KCNQ1: variants seen among roughly 807,000 people sequenced by gnomAD.
KCNQ1 encodes the protein potassium voltage-gated channel subfamily Q member 1, also known as potassium voltage-gated channel subfamily KQT member 1.
Under a neutral mutation model 72.4 loss-of-function variants are expected in KCNQ1, and 49 were observed. The observed-to-expected ratio is 0.68, with a 90% CI of 0.54 to 0.86. The LOEUF (loss-of-function observed/expected upper bound fraction) is 0.86. Among genes scored for constraint, KCNQ1 ranks in the 40% least tolerant of loss-of-function variants. KCNQ1 has a pLI of 0.00. For synonymous variants in KCNQ1, 450 were observed against 412.6 expected, an observed-to-expected ratio of 1.09 and a Z score of -1.10; for missense variants, 790 against 945.1, an observed-to-expected ratio of 0.84 and a Z score of 2.15.
chr11:2,733,774 C>CCA (rs144399150), intron 11 of KCNQ1, among the ~76,000 whole-genome samples: 1,686 of 57,466 alleles, frequency 0.029, 59 homozygotes, highest in Admixed American at 0.059. Context: ...TTCAGGCCTT[C>CCA]CACACACACA....
chr11:2,584,703 T>C (rs1165230106), intron 7 of KCNQ1, among the ~76,000 whole-genome samples: 2 of 151,234 alleles, frequency 1.3e-5, no homozygotes, highest in East Asian at 3.9e-4. Flanking sequence ...GTGTGTGTGT[T>C]AGTGTGCATA....
intron 10 of KCNQ1, chr11:2,632,208 T>C (rs933653955): frequency 8.2e-6 from 3 of 367,988 alleles, no homozygotes; most frequent in African/African-American, 7.2e-5. Flanking sequence ...AAAAAAGAAA[T>C]GCAACTGAAT....
At chr11:2,519,445 T>A (rs942581056) in intron 1 of KCNQ1, among the ~76,000 whole-genome samples, 4 of 152,206 alleles carry the variant, frequency 2.6e-5, no homozygotes, top group African/African-American at 9.7e-5. Flanking sequence ...AGTACATTTT[T>A]AATTATGTTT....
chr11:2,825,651 G>A (rs996405657), intron 15 of KCNQ1, among the ~76,000 whole-genome samples: 1 of 152,262 alleles, frequency 6.6e-6, no homozygotes, highest in African/African-American at 2.4e-5. Flanking sequence ...TGCCCATGAG[G>A]AAGTCAGTAC....
chr11:2,695,036 G>A lies in KCNQ1; in HGVS notation c.1514+32955G>A, dbSNP rs1850651316. ...GACAGTGGTCAGAGAGGTAAGCAGG[G>A]CAGATCTTGTAAAAACCTGATGGAA... is the stretch of plus-strand genomic sequence containing the variant. On this transcript the variant is annotated intron_variant, in intron 11 of 15. Transcript: ENST00000155840. The surrounding 1 kb of genome is among the most constrained non-coding windows in gnomAD (Gnocchi z 5.2). The A allele has an allele frequency of 5.0e-6, 2 of 398,532 alleles. No individual in the cohort carries two copies. The highest frequency in any genetic ancestry group is 2.5e-4 in the South Asian group (2 of 7,860). 24.7% of individuals were successfully genotyped at this position (398,532 alleles called of 1,614,324 possible).
intron 10 of KCNQ1, chr11:2,637,590 T>A (rs1261286309): frequency 2.0e-5 from 3 of 152,132 alleles, no homozygotes; most frequent in African/African-American, 4.8e-5. Context: ...TGCTGAGGAG[T>A]GCTTTACTTC....
Position 2,669,817 on chromosome 11 carries a change from C to G in KCNQ1, c.1514+7736C>G, listed in dbSNP as rs1432202239. 3 of 398,506 alleles carry G rather than the reference C, an allele frequency of 7.5e-6. No homozygotes were observed. The highest frequency in any genetic ancestry group is 8.8e-6 in the Non-Finnish European group (2 of 226,082). 24.7% of individuals were successfully genotyped at this position (398,506 alleles called of 1,614,324 possible). A position where few individuals can be genotyped will look rare whatever the true frequency, so the allele number is the denominator to read the frequency against. ...TTATTTGGCCTGAGAGCTTTTGAGA[C>G]TGCCAGGTCATGAGTTACCATGGGA... On this transcript the variant is annotated intron_variant, in intron 11 of 15. Transcript: ENST00000155840. This position sits in a 1 kb window ranked among gnomAD's most constrained non-coding sequence, Gnocchi z 5.6.
chr11:2,612,496 ATTCT>A lies in KCNQ1; in HGVS notation c.1393+23648_1393+23651del, dbSNP rs376376947. Reference sequence around the variant, plus strand: ...TATGGATCTGCGTTGAAGTTCATTGATTCTTTCTTCTGCCAGGTCAAATTTGCTT... The same window carrying A: ...TATGGATCTGCGTTGAAGTTCATTGATTCTTCTGCCAGGTCAAATTTGCTT... On this transcript the variant is annotated intron_variant, in intron 10 of 15. Transcript: ENST00000155840. The surrounding 1 kb of genome is among the most constrained non-coding windows in gnomAD (Gnocchi z 5.5). The A allele has an allele frequency of 6.0e-4, 240 of 398,476 alleles. 1 individual carries two copies. The highest frequency in any genetic ancestry group is 4.2e-3 in the African/African-American group (203 of 48,680). 24.7% of individuals were successfully genotyped at this position (398,476 alleles called of 1,614,324 possible).
Position 2,493,143 on chromosome 11 carries a change from C to T in KCNQ1, c.387-34785C>T, listed in dbSNP as rs746664841. Among the ~76,000 whole-genome samples, 15 of 152,090 alleles carry T rather than the reference C, an allele frequency of 9.9e-5. No homozygotes were observed. The highest frequency in any genetic ancestry group is 1.8e-4 in the Non-Finnish European group (12 of 68,012). On this transcript the variant is annotated intron_variant, in intron 1 of 15. Coordinates refer to ENST00000155840, the MANE Select transcript of KCNQ1 (RefSeq NM_000218.3). The surrounding 1 kb of genome is among the most constrained non-coding windows in gnomAD (Gnocchi z 5.3). ...CTTTTTTTTCCATATGTTTCTTGGC[C>T]ACATAAATGTCTTCTTTTGAGAAGT... is the stretch of plus-strand genomic sequence containing the variant.
At chr11:2,740,229 T>TA (rs1344588751) in intron 11 of KCNQ1, among the ~76,000 whole-genome samples, 1 of 150,266 alleles carries the variant, frequency 6.7e-6, no homozygotes, top group Non-Finnish European at 1.5e-5. Flanking sequence ...GGGTGGGGGA[T>TA]GGGGAGTGGG....
At chr11:2,806,486 G>C (rs960555290) in intron 15 of KCNQ1, among the ~76,000 whole-genome samples, 1 of 152,208 alleles carries the variant, frequency 6.6e-6, no homozygotes, top group Non-Finnish European at 1.5e-5. Context: ...TAGGCGACCC[G>C]CCTTGGGCTG....
At position 2,456,749 on chromosome 11, in the gene KCNQ1, G is replaced by A. The variant is rs1159992244; in HGVS notation, c.386+11265G>A. Among the ~76,000 whole-genome samples, 12 of 123,212 alleles carry A rather than the reference G, an allele frequency of 9.7e-5. No individual in the cohort carries two copies. In the East Asian group the frequency reaches 1.9e-3, roughly 19 times the overall value. The allele number at this position is 123,212 out of a possible 152,430, so 80.8% of individuals were successfully genotyped here. A position where few individuals can be genotyped will look rare whatever the true frequency, so the allele number is the denominator to read the frequency against. Reference sequence around the variant, plus strand: ...ATCCTGGCTAACATGGTGAAACCCTGTCTCTACTAAAAATCCAAAAAAAAA... The same window carrying A: ...ATCCTGGCTAACATGGTGAAACCCTATCTCTACTAAAAATCCAAAAAAAAA... On this transcript the variant is annotated intron_variant, in intron 1 of 15. Transcript: ENST00000155840.
At chr11:2,648,331 G>T (rs920110989) in intron 10 of KCNQ1, 11 of 398,204 alleles carry the variant, frequency 2.8e-5, no homozygotes, top group Non-Finnish European at 4.4e-5. Flanking sequence ...ATTTGTTCTT[G>T]CTTTTCTAGT....
intron 10 of KCNQ1, chr11:2,643,945 T>C (rs1849621852): frequency 2.5e-6 from 1 of 398,506 alleles, no homozygotes; most frequent in South Asian, 1.3e-4. Context: ...TCCTGGCCTG[T>C]AAAGTTTCTG....
Position 2,581,163 on chromosome 11 carries a change from A to G in KCNQ1, c.922-2272A>G, listed in dbSNP as rs558760491. On this transcript the variant is annotated intron_variant, in intron 6 of 15. Transcript: ENST00000155840. ...TCCGAGCTCAAGGCCAGGATAGGCC[A>G]GGGTCCCTGCCCTGCCCAGGCCCTT... Among the ~76,000 whole-genome samples the G allele has an allele frequency of 9.8e-5, 15 of 152,330 alleles. No homozygotes were observed. The South Asian group carries it at 3.1e-3, about 32-fold the overall frequency.
chr11:2,800,718 C>T (rs578189602), intron 15 of KCNQ1, among the ~76,000 whole-genome samples: 96 of 152,334 alleles, frequency 6.3e-4, no homozygotes, highest in Non-Finnish European at 6.8e-4. Flanking sequence ...CTCTGTGACT[C>T]AGTTTCTTCA....
At chr11:2,576,745 G>A (rs1848429012) in intron 6 of KCNQ1, among the ~76,000 whole-genome samples, 1 of 152,246 alleles carries the variant, frequency 6.6e-6, no homozygotes, top group Non-Finnish European at 1.5e-5. Context: ...TGAGGGCAGG[G>A]CCTCCCAGAC....
intron 11 of KCNQ1, among the ~76,000 whole-genome samples, chr11:2,737,804 G>A (rs533613361): frequency 6.6e-6 from 1 of 152,180 alleles, no homozygotes; most frequent in Admixed American, 6.5e-5. Context: ...GACCGTCACA[G>A]CCCTAACTCT....
intron 11 of KCNQ1, chr11:2,693,447 G>A (rs950923499): frequency 7.5e-6 from 3 of 398,678 alleles, no homozygotes; most frequent in Admixed American, 8.8e-5. Context: ...GCCCCCCATC[G>A]AGTCCCCATT....
Sources: gnomAD v4.1 joint callset for allele counts (sites outside exome capture counted in the v4.1 genomes callset) on GRCh38, gnomAD v4.1.1 for gene constraint, Gnocchi (gnomAD v3.1) non-coding constraint, MANE v1.5 for transcripts, NCBI Gene and HGNC (gene_info 2026-07-23, HGNC 2026-07-21) for gene names.